Variants in SPIRE1 observed in about 807,000 individuals in gnomAD.
SPIRE1 encodes spire type actin nucleation factor 1.
A neutral mutation model predicts 94.1 loss-of-function variants in SPIRE1; 40 were observed. The observed-to-expected ratio is 0.43, with a 90% CI of 0.33 to 0.55. The LOEUF (loss-of-function observed/expected upper bound fraction) is 0.55. Among genes scored for constraint, SPIRE1 ranks in the 20% least tolerant of loss-of-function variants. The pLI, the probability that SPIRE1 is intolerant of heterozygous loss-of-function variation, is 0.06. For synonymous variants in SPIRE1, 376 were observed against 371.7 expected, an observed-to-expected ratio of 1.01 and a Z score of -0.13; for missense variants, 838 against 975.2, an observed-to-expected ratio of 0.86 and a Z score of 1.87.
chr18:12,622,941 C>A (rs1185874627), intron 2 of SPIRE1, among the ~76,000 whole-genome samples: 10 of 152,178 alleles, frequency 6.6e-5, no homozygotes, highest in Non-Finnish European at 1.3e-4. Flanking sequence ...CTGGCTAACT[C>A]CTTCAAGCCA....
intron 4 of SPIRE1, 92 bp from the exon 5 acceptor site, chr18:12,512,623 C>A: frequency 1.3e-6 from 1 of 779,290 alleles, no homozygotes; most frequent in South Asian, 1.6e-5. Flanking sequence ...GACATATATT[C>A]AAGTACCAGT....
chr18:12,535,372 A>C (rs1386736012), intron 4 of SPIRE1, 104 bp downstream of exon 4: 1 of 1,251,336 alleles, frequency 8.0e-7, no homozygotes, highest in African/African-American at 1.5e-5. Context: ...AATCTTTTAA[A>C]ACAATACAGC....
In SPIRE1 at chr18:12,447,018, A is replaced by T. The variant is rs1228195204; in HGVS notation, c.*2620T>A. On this transcript the variant is annotated 3_prime_UTR_variant, in exon 17 of 17. Transcript: ENST00000409402. ...ACTGTCCACTGAATGAATGCCTTTC[A>T]AATATTAATAAATATATTACAGTAT... The T allele has an allele frequency of 6.6e-6, 1 of 152,218 alleles. No individual in the cohort carries two copies. Among genetic ancestry groups the T allele is most frequent in the Non-Finnish European group, 1.5e-5 (1 of 68,040 alleles). 9.4% of individuals were successfully genotyped at this position (152,218 alleles called of 1,614,324 possible).
At position 12,559,353 on chromosome 18, in the gene SPIRE1, G is replaced by T. The variant is rs867866849; in HGVS notation, c.373-12449C>A. On this transcript the variant is annotated intron_variant, in intron 2 of 16. Coordinates refer to ENST00000409402, the MANE Select transcript of SPIRE1 (RefSeq NM_001128626.2). This position sits in a 1 kb window ranked among gnomAD's most constrained non-coding sequence, Gnocchi z 4.7. ...GCGGGTGCTAAGCCTCTCATTGCCCGGGCCGGCGTCGCCAGCCGGCAGCTC... is the reference window on the plus strand; with the variant it reads ...GCGGGTGCTAAGCCTCTCATTGCCCTGGCCGGCGTCGCCAGCCGGCAGCTC... Among the ~76,000 whole-genome samples, 1 of 152,174 alleles carries T rather than the reference G, an allele frequency of 6.6e-6. No individual in the cohort carries two copies. Among genetic ancestry groups the T allele is most frequent in the African/African-American group, 2.4e-5 (1 of 41,452 alleles).
At chr18:12,585,345 G>A (rs923815227) in intron 2 of SPIRE1, among the ~76,000 whole-genome samples, 2 of 152,104 alleles carry the variant, frequency 1.3e-5, no homozygotes, top group Non-Finnish European at 2.9e-5. Context: ...ATGATAGGAA[G>A]GGCCAAGAAA....
chr18:12,510,520 C>T (rs1046390818), intron 5 of SPIRE1, among the ~76,000 whole-genome samples: 7 of 151,830 alleles, frequency 4.6e-5, no homozygotes, highest in Non-Finnish European at 1.0e-4. Flanking sequence ...ATGTGCCTTC[C>T]CCCAATACCT....
intron 2 of SPIRE1, among the ~76,000 whole-genome samples, chr18:12,584,806 G>A (rs12954614): frequency 0.34 from 51,970 of 151,754 alleles, 10,419 homozygotes; most frequent in East Asian, 0.59. Context: ...TTGAGAGGGA[G>A]TCTCGCCCTG....
intron 2 of SPIRE1, among the ~76,000 whole-genome samples, chr18:12,625,863 T>C (rs1456497862): frequency 1.3e-5 from 2 of 152,032 alleles, no homozygotes; most frequent in Non-Finnish European, 2.9e-5. Context: ...GCCAACATGG[T>C]GAAACCCCGT....
intron 8 of SPIRE1, among the ~76,000 whole-genome samples, chr18:12,491,642 T>C (rs1321482645): frequency 6.6e-6 from 1 of 152,142 alleles, no homozygotes; most frequent in Non-Finnish European, 1.5e-5. Context: ...CATTTAATTA[T>C]TTCAACCCAT....
intron 7 of SPIRE1, 95 bp downstream of exon 7, chr18:12,495,921 A>C (rs923134080): frequency 1.4e-5 from 13 of 924,454 alleles, no homozygotes; most frequent in Non-Finnish European, 2.2e-5. Context: ...CAGAGGAAAA[A>C]CCACCTAGGA....
chr18:12,606,701 T>C (rs561313870), intron 2 of SPIRE1, among the ~76,000 whole-genome samples: 21 of 152,290 alleles, frequency 1.4e-4, no homozygotes, highest in Admixed American at 9.8e-4. Flanking sequence ...CAGCTAATTT[T>C]TATACTTTTG....
At chr18:12,661,956 G>A, upstream of SPIRE1, 1 of 259,356 alleles carries the variant, frequency 3.9e-6, no homozygotes. Context: ...CTCTGAATAT[G>A]ATTTTGTTTT....
At chr18:12,489,760 A>C (rs753569598) in intron 8 of SPIRE1, among the ~76,000 whole-genome samples, 20 of 152,214 alleles carry the variant, frequency 1.3e-4, no homozygotes, top group Non-Finnish European at 2.2e-4. Flanking sequence ...ATGCCAAATA[A>C]ACCATTAGAT....
intron 4 of SPIRE1, among the ~76,000 whole-genome samples, chr18:12,530,742 A>T (rs868220592): frequency 1.2e-4 from 18 of 152,364 alleles, no homozygotes; most frequent in South Asian, 4.1e-4. Context: ...CAGTGGTAAT[A>T]TAAATATTTC....
At chr18:12,619,723 G>A (rs1301462056) in intron 2 of SPIRE1, among the ~76,000 whole-genome samples, 2 of 151,302 alleles carry the variant, frequency 1.3e-5, no homozygotes, top group East Asian at 1.9e-4. Flanking sequence ...GTGTGTGCCT[G>A]TAGTCCTAGC....
intron 10 of SPIRE1, among the ~76,000 whole-genome samples, chr18:12,469,060 T>A (rs1332527486): frequency 6.6e-6 from 1 of 152,094 alleles, no homozygotes; most frequent in Non-Finnish European, 1.5e-5. Flanking sequence ...CGAAACCCTG[T>A]CTCGAAAATA....
At chr18:12,481,921 C>T (rs573218009) in intron 9 of SPIRE1, among the ~76,000 whole-genome samples, 85 of 152,218 alleles carry the variant, frequency 5.6e-4, no homozygotes, top group African/African-American at 1.7e-3. Flanking sequence ...GTATTTCAAA[C>T]GCACACACCT....
Position 12,559,039 on chromosome 18 carries a change from G to A in SPIRE1, c.373-12135C>T, listed in dbSNP as rs1042442739. ...CTTCCCCTAGTGGATCCTGCACCAG[G>A]GCGGCGGGCAGAGGTGCCCGCCAGT... On this transcript the variant is annotated intron_variant, in intron 2 of 16. Coordinates refer to ENST00000409402, the MANE Select transcript of SPIRE1 (RefSeq NM_001128626.2). This position sits in a 1 kb window ranked among gnomAD's most constrained non-coding sequence, Gnocchi z 4.7. 8.5e-5 allele frequency among the ~76,000 whole-genome samples: 13 copies of A among 152,160 alleles called. No individual in the cohort carries two copies. Among genetic ancestry groups the A allele is most frequent in the Non-Finnish European group, 1.5e-4 (10 of 68,022 alleles).
chr18:12,658,301 C>CG, upstream of SPIRE1: 4 of 441,912 alleles, frequency 9.1e-6, no homozygotes, highest in East Asian at 8.0e-5. Context: ...GACGCCCGGT[C>CG]GGGGGGCCCG....
Sources: gnomAD v4.1 joint callset for allele counts (sites outside exome capture counted in the v4.1 genomes callset) on GRCh38, gnomAD v4.1.1 for gene constraint, Gnocchi (gnomAD v3.1) non-coding constraint, MANE v1.5 for transcripts, NCBI Gene and HGNC (gene_info 2026-07-23, HGNC 2026-07-21) for gene names.